Variants in ZNF385D observed in about 807,000 individuals in gnomAD.
The protein encoded by ZNF385D is zinc finger protein 385D.
ZNF385D carries 15 observed loss-of-function variants against 35.8 expected under a neutral mutation model. The ratio of observed to expected loss-of-function variants is 0.42; its 90% confidence interval spans 0.28 to 0.64. The LOEUF (loss-of-function observed/expected upper bound fraction) is 0.64. ZNF385D is among the 30% of genes least tolerant of loss of function. The pLI, the probability that ZNF385D is intolerant of heterozygous loss-of-function variation, is 0.23. For missense variants in ZNF385D, 474 were observed against 494.6 expected (o/e 0.96, Z 0.39); for synonymous variants, 212 against 186.8 (o/e 1.13, Z -1.10).
intron 3 of ZNF385D, among the ~76,000 whole-genome samples, chr3:21,987,807 A>G (rs1694897544): frequency 7.8e-6 from 1 of 128,852 alleles, no homozygotes; most frequent in Non-Finnish European, 1.6e-5. Context: ...CAGGTACACC[A>G]ATCAGACGTA....
chr3:22,205,860 G>C (rs1697115103), intron 2 of ZNF385D, among the ~76,000 whole-genome samples: 3 of 151,870 alleles, frequency 2.0e-5, no homozygotes, highest in Admixed American at 1.3e-4. Context: ...AGACCACAAA[G>C]CAACCAGAAA....
At chr3:21,587,208 A>T (rs947166037) in intron 2 of ZNF385D, among the ~76,000 whole-genome samples, 1 of 152,192 alleles carries the variant, frequency 6.6e-6, no homozygotes, top group African/African-American at 2.4e-5. Context: ...GGAGCATTCA[A>T]CTCAAATGTA....
At chr3:22,112,390 A>C (rs1233569404) in intron 3 of ZNF385D, among the ~76,000 whole-genome samples, 1 of 152,172 alleles carries the variant, frequency 6.6e-6, no homozygotes, top group African/African-American at 2.4e-5. Context: ...GAAATAATGC[A>C]CAAAAATATT....
At chr3:21,514,014 G>C (rs1173637322) in intron 3 of ZNF385D, among the ~76,000 whole-genome samples, 1 of 151,950 alleles carries the variant, frequency 6.6e-6, no homozygotes, top group Non-Finnish European at 1.5e-5. Context: ...CTCTGTGACT[G>C]TAAAAAAAAG....
At chr3:22,252,514 A>C (rs1576567558) in intron 2 of ZNF385D, among the ~76,000 whole-genome samples, 1 of 152,202 alleles carries the variant, frequency 6.6e-6, no homozygotes, top group East Asian at 1.9e-4. Context: ...TCATGGGAGC[A>C]AAGAAAAGAA....
chr3:21,814,992 C>A (rs993072708), intron 3 of ZNF385D, among the ~76,000 whole-genome samples: 1 of 152,164 alleles, frequency 6.6e-6, no homozygotes, highest in East Asian at 1.9e-4. Flanking sequence ...TCTCTCAGAC[C>A]ACAGTGTAGT....
At chr3:21,702,870 C>T (rs1380314316) in intron 1 of ZNF385D, among the ~76,000 whole-genome samples, 3 of 152,180 alleles carry the variant, frequency 2.0e-5, no homozygotes. Context: ...TCTGAGACCA[C>T]CTCAACCTGG....
Position 22,212,366 on chromosome 3 carries a change from A to G in ZNF385D, c.107-43331T>C, listed in dbSNP as rs143084205. On this transcript the variant is annotated intron_variant, in intron 2 of 5. Transcript: ENST00000494108. ...GCCATCTTGCTATATTTCCATATGC[A>G]TATGTCTTTCTGCAATGGTTTCAAA... is the stretch of plus-strand genomic sequence containing the variant. Among the ~76,000 whole-genome samples the G allele has an allele frequency of 1.6e-3, 246 of 152,142 alleles. 2 individuals carry two copies. Among genetic ancestry groups the G allele is most frequent in the African/African-American group, 5.7e-3 (237 of 41,536 alleles).
At chr3:21,610,794 T>C (rs1214141265) in intron 2 of ZNF385D, among the ~76,000 whole-genome samples, 14 of 148,016 alleles carry the variant, frequency 9.5e-5, no homozygotes, top group Non-Finnish European at 1.5e-4. Context: ...AAAAAAACAA[T>C]AGTCATGTGT....
chr3:21,795,264 C>T (rs1358295325), intron 3 of ZNF385D, among the ~76,000 whole-genome samples: 1 of 152,190 alleles, frequency 6.6e-6, no homozygotes, highest in Admixed American at 6.5e-5. Context: ...CTGTAGGCCT[C>T]AGGGGCCCCA....
intron 3 of ZNF385D, among the ~76,000 whole-genome samples, chr3:21,553,738 T>TA (rs1204295384): frequency 6.6e-6 from 1 of 152,190 alleles, no homozygotes; most frequent in Admixed American, 6.5e-5. Flanking sequence ...TAGGTTTATA[T>TA]AATACTCTAA....
chr3:21,841,123 A>G (rs1695645510), intron 3 of ZNF385D, among the ~76,000 whole-genome samples: 2 of 152,072 alleles, frequency 1.3e-5, no homozygotes, highest in Admixed American at 6.6e-5. Flanking sequence ...ATTCAGAGCA[A>G]TGATGGCACC....
intron 3 of ZNF385D, among the ~76,000 whole-genome samples, chr3:22,080,246 A>G (rs1451383784): frequency 1.3e-5 from 2 of 152,170 alleles, no homozygotes; most frequent in African/African-American, 2.4e-5. Flanking sequence ...TTACTGACAC[A>G]GTAGAGTCTA....
chr3:22,341,245 T>A (rs1695407540), intron 2 of ZNF385D, among the ~76,000 whole-genome samples: 1 of 152,228 alleles, frequency 6.6e-6, no homozygotes, highest in Non-Finnish European at 1.5e-5. Context: ...TTTATCTGCA[T>A]CAGAAGGACA....
intron 2 of ZNF385D, among the ~76,000 whole-genome samples, chr3:21,570,197 A>G (rs963242734): frequency 1.3e-5 from 2 of 152,288 alleles, no homozygotes; most frequent in Non-Finnish European, 2.9e-5. Context: ...TTCAATTTCA[A>G]ACTCAGCCCA....
rs138457057 is a variant in ZNF385D at position 22,199,056 on chromosome 3, G to A, written c.107-30021C>T. On this transcript the variant is annotated intron_variant, in intron 2 of 5. Transcript: ENST00000494108. The stretch of plus-strand genomic sequence containing the variant: ...GTATCTATGCTTATTGATTGGTCTC[G>A]TATTTTACTTCTGCTCTTTTGTAAC... Among the ~76,000 whole-genome samples, 292 of 151,992 alleles carry A rather than the reference G, an allele frequency of 1.9e-3. 1 individual carries two copies. Among genetic ancestry groups the A allele is most frequent in the African/African-American group, 6.3e-3 (263 of 41,486 alleles).
intron 2 of ZNF385D, among the ~76,000 whole-genome samples, chr3:22,334,626 T>A (rs913872457): frequency 6.6e-6 from 1 of 152,288 alleles, no homozygotes; most frequent in Middle Eastern, 3.4e-3. Context: ...TTTTCTTAGG[T>A]CTAAAATTCT....
intron 3 of ZNF385D, among the ~76,000 whole-genome samples, chr3:21,938,373 G>A (rs959365774): frequency 4.6e-5 from 7 of 152,154 alleles, no homozygotes; most frequent in Admixed American, 6.6e-5. Context: ...TGCACCTCCT[G>A]TAACTTAATT....
At chr3:22,110,449 T>C (rs1378727620) in intron 3 of ZNF385D, among the ~76,000 whole-genome samples, 2 of 152,100 alleles carry the variant, frequency 1.3e-5, no homozygotes, top group South Asian at 2.1e-4. Flanking sequence ...CATGGAATAC[T>C]ATGCAGCCAT....
Sources: allele counts gnomAD v4.1 joint callset (sites outside exome capture counted in the v4.1 genomes callset), GRCh38; gene constraint gnomAD v4.1.1; transcripts MANE v1.5; gene names NCBI Gene and HGNC (gene_info 2026-07-23, HGNC 2026-07-21).